Variants in RHPN2 observed in about 807,000 individuals in gnomAD.
RHPN2 encodes the protein rhophilin Rho GTPase binding protein 2.
RHPN2 carries 40 observed loss-of-function variants against 79.0 expected under a neutral mutation model. That is an observed-to-expected ratio of 0.51 (90% CI 0.39 to 0.66). The LOEUF (loss-of-function observed/expected upper bound fraction) is 0.66. RHPN2 is among the 30% of genes least tolerant of loss of function. The pLI is 0.00. For synonymous variants in RHPN2, 285 were observed against 363.5 expected (o/e 0.78, Z 2.46); for missense variants, 686 against 883.5 (o/e 0.78, Z 2.83).
chr19:32,982,386 G>A (rs914219632), intron 14 of RHPN2, among the ~76,000 whole-genome samples: 2 of 152,050 alleles, frequency 1.3e-5, no homozygotes, highest in Admixed American at 6.6e-5. Flanking sequence ...CAGCCTGGGC[G>A]ATGGAGTGAG....
Position 32,980,137 on chromosome 19 carries a change from G to A in RHPN2, c.1920C>T (p.Phe640=). ...TGTTCTTGTTGGTGCCCCAACTCAG[G>A]AAGGAAAGCTTCTTGGAGATTTTCT... ...KTKKISKKLS[F]LSWGTNKNRQ... Residue 640 remains phenylalanine, a synonymous_variant, in exon 15 of 15, where the codon TTC becomes TTT. Transcript: ENST00000254260. 1 of 1,613,950 alleles carries A rather than the reference G, an allele frequency of 6.2e-7. No homozygotes were observed. The highest frequency in any genetic ancestry group is 8.5e-7 in the Non-Finnish European group (1 of 1,179,860).
At chr19:33,019,927 G>A (rs142410071) in intron 4 of RHPN2, among the ~76,000 whole-genome samples, 2 of 152,260 alleles carry the variant, frequency 1.3e-5, no homozygotes, top group Non-Finnish European at 2.9e-5. Flanking sequence ...GAATTTGGAG[G>A]TGACTGGTTA....
intron 3 of RHPN2, among the ~76,000 whole-genome samples, chr19:33,022,693 G>A (rs184038493): frequency 6.6e-6 from 1 of 152,294 alleles, no homozygotes; most frequent in East Asian, 1.9e-4. Flanking sequence ...GCTGTGTTTT[G>A]CAAACAAGGA....
intron 6 of RHPN2, among the ~76,000 whole-genome samples, chr19:33,010,486 G>A (rs1264150201): frequency 4.6e-5 from 7 of 150,896 alleles, no homozygotes; most frequent in Admixed American, 2.0e-4. Context: ...GGGTTCAGGC[G>A]ATTCTCCTGT....
chr19:33,048,650 C>T (rs982451924), intron 1 of RHPN2, among the ~76,000 whole-genome samples: 2 of 133,524 alleles, frequency 1.5e-5, no homozygotes, highest in African/African-American at 6.0e-5. Flanking sequence ...CACTTGAACC[C>T]GGGAGGCAGA....
chr19:33,017,769 C>A (rs1971890178), intron 4 of RHPN2, among the ~76,000 whole-genome samples: 1 of 151,234 alleles, frequency 6.6e-6, no homozygotes, highest in Non-Finnish European at 1.5e-5. Flanking sequence ...GCCTGTAATC[C>A]CAGCACTTTG....
chr19:33,005,968 A>G (rs765093667), intron 7 of RHPN2, among the ~76,000 whole-genome samples: 9 of 151,958 alleles, frequency 5.9e-5, no homozygotes, highest in Non-Finnish European at 1.2e-4. Flanking sequence ...ATCTTGGCTT[A>G]CCACAACCTC....
At chr19:33,030,559 C>T (rs186522035) in intron 2 of RHPN2, among the ~76,000 whole-genome samples, 27 of 152,170 alleles carry the variant, frequency 1.8e-4, no homozygotes, top group Middle Eastern at 3.4e-3. Flanking sequence ...CACCACTGCA[C>T]ACCAGCCTGG....
chr19:32,984,067 C>T (rs1415610276), intron 14 of RHPN2, among the ~76,000 whole-genome samples: 2 of 152,162 alleles, frequency 1.3e-5, no homozygotes, highest in African/African-American at 2.4e-5. Context: ...ATGAGAAAAC[C>T]GAGGCCCAAG....
intron 1 of RHPN2, among the ~76,000 whole-genome samples, chr19:33,064,253 G>A (rs1972306979): frequency 6.6e-6 from 1 of 152,208 alleles, no homozygotes; most frequent in Non-Finnish European, 1.5e-5. Context: ...AGGATCGCTG[G>A]AGGCCAGGAA....
chr19:33,064,755 T>TGGCCCCCCCCCCC, intron 1 of RHPN2, 29 bp downstream of exon 1: 4 of 1,427,948 alleles, frequency 2.8e-6, no homozygotes, highest in Non-Finnish European at 3.8e-6. Context: ...AGCCCGCAGG[T>TGGCCCCCCCCCCC]CCCCGCCCGC....
chr19:33,013,468 T>C (rs1971853650), intron 4 of RHPN2, among the ~76,000 whole-genome samples: 1 of 152,172 alleles, frequency 6.6e-6, no homozygotes, highest in Admixed American at 6.6e-5. Context: ...GTGCTGGGAT[T>C]ACAGGTGTGA....
At chr19:32,995,720 G>T (rs1416047537) in intron 11 of RHPN2, among the ~76,000 whole-genome samples, 1 of 152,118 alleles carries the variant, frequency 6.6e-6, no homozygotes, top group Non-Finnish European at 1.5e-5. Context: ...TTAGCTGGGT[G>T]TGGTGGTGGG....
intron 14 of RHPN2, 89 bp from the exon 15 acceptor site, chr19:32,980,345 C>A: frequency 2.0e-6 from 3 of 1,468,452 alleles, no homozygotes; most frequent in Non-Finnish European, 2.9e-6. Flanking sequence ...CGGTGGCTCA[C>A]ACCTGTAATC....
intron 14 of RHPN2, among the ~76,000 whole-genome samples, chr19:32,985,734 T>C (rs1971609001): frequency 6.6e-6 from 1 of 152,152 alleles, no homozygotes; most frequent in Non-Finnish European, 1.5e-5. Flanking sequence ...CAGGCTCAAG[T>C]GATTCTCATG....
At chr19:32,994,678 G>A in intron 11 of RHPN2, among the ~76,000 whole-genome samples, 1 of 151,944 alleles carries the variant, frequency 6.6e-6, no homozygotes, top group East Asian at 1.9e-4. Context: ...CCCTAATGAG[G>A]AGGCCAGGCA....
chr19:33,061,644 C>T (rs1377707401), intron 1 of RHPN2, among the ~76,000 whole-genome samples: 4 of 151,844 alleles, frequency 2.6e-5, no homozygotes, highest in Admixed American at 6.6e-5. Context: ...CCGCTACACC[C>T]GGCTAATTTT....
intron 14 of RHPN2, among the ~76,000 whole-genome samples, chr19:32,981,906 T>C (rs1213955147): frequency 6.6e-6 from 1 of 151,986 alleles, no homozygotes; most frequent in Non-Finnish European, 1.5e-5. Flanking sequence ...CTATTAACTT[T>C]CCAAGAATCA....
chr19:33,051,148 T>C (rs1332589220), intron 1 of RHPN2, among the ~76,000 whole-genome samples: 1 of 152,078 alleles, frequency 6.6e-6, no homozygotes, highest in Admixed American at 6.6e-5. Flanking sequence ...CACACCACCA[T>C]GCCCGGCTAA....
Sources: gnomAD v4.1 joint callset for allele counts (sites outside exome capture counted in the v4.1 genomes callset) on GRCh38, gnomAD v4.1.1 for gene constraint, MANE v1.5 for transcripts, NCBI Gene and HGNC (gene_info 2026-07-23, HGNC 2026-07-21) for gene names.